The following SGIP1 variants were observed in gnomAD, a reference collection of about 807,000 sequenced individuals.
SGIP1 encodes SH3GL interacting endocytic adaptor 1, also known as SH3-containing GRB2-like protein 3-interacting protein 1.
Under a neutral mutation model 107.5 loss-of-function variants are expected in SGIP1, and 38 were observed. The ratio of observed to expected loss-of-function variants is 0.35; its 90% CI spans 0.27 to 0.46. The LOEUF (loss-of-function observed/expected upper bound fraction) is 0.46. SGIP1 is among the 20% of genes least tolerant of loss of function. The pLI is 1.00. For synonymous variants in SGIP1, 365 were observed against 366.1 expected, an observed-to-expected ratio of 1.00 and a Z score of 0.03; for missense variants, 929 against 1,019.5, an observed-to-expected ratio of 0.91 and a Z score of 1.21.
At chr1:66,735,668 A>G (rs568729857) in intron 21 of SGIP1, among the ~76,000 whole-genome samples, 1 of 63,728 alleles carries the variant, frequency 1.6e-5, no homozygotes, top group East Asian at 2.3e-4. Flanking sequence ...AAAATACAAA[A>G]AATTAGCCGG....
chr1:66,700,177 C>T (rs1312587538), intron 18 of SGIP1, among the ~76,000 whole-genome samples: 1 of 152,026 alleles, frequency 6.6e-6, no homozygotes, highest in East Asian at 1.9e-4. Flanking sequence ...TCAAGACCAG[C>T]ACAGCCAACA....
At chr1:66,673,945 G>T (rs1443787331) in intron 12 of SGIP1, among the ~76,000 whole-genome samples, 2 of 152,084 alleles carry the variant, frequency 1.3e-5, no homozygotes, top group East Asian at 1.9e-4. Context: ...AGATAGGATT[G>T]CTTGAGCCCA....
intron 1 of SGIP1, among the ~76,000 whole-genome samples, chr1:66,606,762 A>G (rs2066927722): frequency 6.6e-6 from 1 of 152,248 alleles, no homozygotes; most frequent in African/African-American, 2.4e-5. Flanking sequence ...ACATTAATGC[A>G]AAAACTATAT....
intron 1 of SGIP1, among the ~76,000 whole-genome samples, chr1:66,570,309 T>G: frequency 6.6e-6 from 1 of 151,858 alleles, no homozygotes; most frequent in East Asian, 1.9e-4. Context: ...GGAAGTGGGG[T>G]GTAGAGGGAA....
intron 21 of SGIP1, among the ~76,000 whole-genome samples, chr1:66,735,855 A>AG: frequency 6.6e-6 from 1 of 150,842 alleles, no homozygotes; most frequent in Admixed American, 6.6e-5. Flanking sequence ...AAAAAAAAAA[A>AG]GAGTGAGATC....
chr1:66,537,498 C>T (rs2053897438), intron 1 of SGIP1, among the ~76,000 whole-genome samples: 1 of 152,090 alleles, frequency 6.6e-6, no homozygotes, highest in Non-Finnish European at 1.5e-5. Context: ...GTTTCTTGGG[C>T]TATCTGTCTA....
intron 20 of SGIP1, among the ~76,000 whole-genome samples, chr1:66,733,509 C>T (rs2094110091): frequency 6.6e-6 from 1 of 152,144 alleles, no homozygotes; most frequent in Admixed American, 6.5e-5. Context: ...TTACTGAGCA[C>T]TCACTGAGAT....
chr1:66,689,868 C>G (rs545405821), intron 16 of SGIP1, among the ~76,000 whole-genome samples: 28 of 152,306 alleles, frequency 1.8e-4, no homozygotes, highest in Non-Finnish European at 1.6e-4. Context: ...AAGTCGTTAG[C>G]TTTAGACGAG....
At chr1:66,656,818 G>A (rs1273421885) in intron 7 of SGIP1, among the ~76,000 whole-genome samples, 4 of 152,048 alleles carry the variant, frequency 2.6e-5, no homozygotes, top group African/African-American at 7.3e-5. Flanking sequence ...TACCCAACCA[G>A]TCGTAAATAA....
chr1:66,672,898 C>T (rs1360988884), intron 11 of SGIP1, among the ~76,000 whole-genome samples: 1 of 151,958 alleles, frequency 6.6e-6, no homozygotes, highest in Non-Finnish European at 1.5e-5. Context: ...GTGGTGAAAT[C>T]AAATATAAAT....
chr1:66,670,952 T>TATATGTTATGTACA, intron 9 of SGIP1, 43 bp from the exon 10 acceptor site: 11 of 992,554 alleles, frequency 1.1e-5, no homozygotes, highest in Non-Finnish European at 1.5e-5. Flanking sequence ...GTACATAACA[T>TATATGTTATGTACA]ATATGTGGTC....
chr1:66,626,812 T>A (rs751909985), intron 2 of SGIP1, among the ~76,000 whole-genome samples: 13 of 152,280 alleles, frequency 8.5e-5, no homozygotes, highest in Middle Eastern at 3.4e-3. Flanking sequence ...AAGCCCATTA[T>A]ACCCCTCATT....
In SGIP1 at chr1:66,563,520, G is replaced by A. The variant is rs115141419; in HGVS notation, c.10+29152G>A. Among the ~76,000 whole-genome samples, 1,077 of 152,086 alleles carry A rather than the reference G, an allele frequency of 7.1e-3. 12 individuals are homozygous for A. The highest frequency in any genetic ancestry group is 0.024 in the African/African-American group (1,007 of 41,520). On this transcript the variant is annotated intron_variant, in intron 1 of 24. Coordinates refer to ENST00000371037, the MANE Select transcript of SGIP1 (RefSeq NM_032291.4). Reference sequence around the variant, plus strand: ...TGTGACCCTGGCTCTCCATCCACTCGGCTCCTATCTCTTCACAAGGGAAGA... The same window carrying A: ...TGTGACCCTGGCTCTCCATCCACTCAGCTCCTATCTCTTCACAAGGGAAGA...
chr1:66,632,974 G>A, intron 2 of SGIP1, 96 bp from the exon 3 acceptor site: 1 of 800,218 alleles, frequency 1.2e-6, no homozygotes. Context: ...CTGGGGAAGG[G>A]GAGGATGGTG....
At chr1:66,730,761 C>T (rs1572357763) in intron 20 of SGIP1, among the ~76,000 whole-genome samples, 1 of 152,174 alleles carries the variant, frequency 6.6e-6, no homozygotes, top group South Asian at 2.1e-4. Flanking sequence ...ACCATCCTGC[C>T]TCAGAATCCT....
chr1:66,625,406 G>A (rs1235716888), intron 1 of SGIP1, among the ~76,000 whole-genome samples: 1 of 152,232 alleles, frequency 6.6e-6, no homozygotes, highest in Non-Finnish European at 1.5e-5. Context: ...GAGACACAAA[G>A]ATGTGTCAGA....
chr1:66,720,372 A>T (rs953046039), intron 19 of SGIP1, among the ~76,000 whole-genome samples: 1 of 152,224 alleles, frequency 6.6e-6, no homozygotes, highest in Non-Finnish European at 1.5e-5. Flanking sequence ...GTGAGGAAAG[A>T]ATTGCTTTTA....
intron 1 of SGIP1, among the ~76,000 whole-genome samples, chr1:66,614,728 C>T (rs945485818): frequency 6.6e-6 from 1 of 151,362 alleles, no homozygotes; most frequent in Non-Finnish European, 1.5e-5. Context: ...ATGTAATCTC[C>T]TACTTTATCT....
intron 18 of SGIP1, among the ~76,000 whole-genome samples, chr1:66,706,821 G>A (rs891421948): frequency 6.6e-6 from 1 of 152,124 alleles, no homozygotes; most frequent in African/African-American, 2.4e-5. Flanking sequence ...TTATCACACA[G>A]TGTATAATTA....
Sources: allele counts gnomAD v4.1 joint callset (sites outside exome capture counted in the v4.1 genomes callset), GRCh38; gene constraint gnomAD v4.1.1; transcripts MANE v1.5; gene names NCBI Gene and HGNC (gene_info 2026-07-23, HGNC 2026-07-21).